The following GALNT17 variants were observed in gnomAD, a reference collection of about 807,000 sequenced individuals.
GALNT17 encodes the protein polypeptide N-acetylgalactosaminyltransferase 17.
A neutral mutation model predicts 63.7 loss-of-function variants in GALNT17; 29 were observed. The ratio of observed to expected loss-of-function variants is 0.46; its 90% CI spans 0.34 to 0.62. The LOEUF (loss-of-function observed/expected upper bound fraction) is 0.62, where lower values mean the gene tolerates loss of function less well. GALNT17 is among the 20% of genes least tolerant of loss of function. GALNT17 has a pLI of 0.01. For synonymous variants in GALNT17, 305 were observed against 318.3 expected (o/e 0.96, Z 0.45); for missense variants, 603 against 799.6 (o/e 0.75, Z 2.97).
At chr7:71,355,521 A>G (rs972788320) in intron 2 of GALNT17, among the ~76,000 whole-genome samples, 23 of 151,806 alleles carry the variant, frequency 1.5e-4, no homozygotes, top group Non-Finnish European at 4.4e-5. Flanking sequence ...ATTTTATTGC[A>G]TAGTGATCAG....
intron 5 of GALNT17, among the ~76,000 whole-genome samples, chr7:71,553,901 A>G (rs2116837808): frequency 6.6e-6 from 1 of 152,294 alleles, no homozygotes; most frequent in African/African-American, 2.4e-5. Context: ...TTCCTCTTAA[A>G]TAGTGCCTGG....
At chr7:71,601,421 AG>A (rs938338845) in intron 6 of GALNT17, among the ~76,000 whole-genome samples, 1 of 152,050 alleles carries the variant, frequency 6.6e-6, no homozygotes, top group Non-Finnish European at 1.5e-5. Flanking sequence ...ATAATGGATT[AG>A]TAGAGAGCAG....
At chr7:71,396,632 A>T (rs981233815) in intron 3 of GALNT17, among the ~76,000 whole-genome samples, 1 of 152,162 alleles carries the variant, frequency 6.6e-6, no homozygotes, top group African/African-American at 2.4e-5. Context: ...TTTCAAGACC[A>T]GCTTGAACAT....
In GALNT17 at chr7:71,336,170, C is replaced by T. The variant is rs572607665; in HGVS notation, c.422+437C>T. Among the ~76,000 whole-genome samples the T allele has an allele frequency of 5.3e-5, 8 of 151,730 alleles. No homozygotes were observed. In the South Asian group the frequency reaches 1.3e-3, roughly 24 times the overall value. On this transcript the variant is annotated intron_variant, in intron 2 of 10. Coordinates refer to ENST00000333538, the MANE Select transcript of GALNT17 (RefSeq NM_022479.3). ...AGGTGATTCTCCTGCCTCAGCCTCC[C>T]GAGTAGCTGGGATTGCAGGCATGCA...
At chr7:71,514,763 T>C (rs190895008) in intron 5 of GALNT17, among the ~76,000 whole-genome samples, 1 of 152,344 alleles carries the variant, frequency 6.6e-6, no homozygotes, top group Admixed American at 6.5e-5. Flanking sequence ...ACTGTCTTGC[T>C]TTGATCAGTT....
At chr7:71,645,846 A>T (rs1790668294) in intron 6 of GALNT17, among the ~76,000 whole-genome samples, 1 of 152,194 alleles carries the variant, frequency 6.6e-6, no homozygotes, top group South Asian at 2.1e-4. Context: ...ATTGGCAAAT[A>T]TCAAGCCTGC....
chr7:71,635,022 C>T (rs1177508336), intron 6 of GALNT17, among the ~76,000 whole-genome samples: 1 of 151,938 alleles, frequency 6.6e-6, no homozygotes, highest in Non-Finnish European at 1.5e-5. Flanking sequence ...GCCTGGCCAA[C>T]ACAGTGAAAC....
At chr7:71,671,774 C>G (rs1388435850) in intron 8 of GALNT17, among the ~76,000 whole-genome samples, 4 of 152,144 alleles carry the variant, frequency 2.6e-5, no homozygotes, top group African/African-American at 9.7e-5. Context: ...GCCTGTAATC[C>G]CAGCACTTTG....
At chr7:71,317,593 G>T (rs1367802062) in intron 1 of GALNT17, among the ~76,000 whole-genome samples, 2 of 152,170 alleles carry the variant, frequency 1.3e-5, no homozygotes, top group Non-Finnish European at 2.9e-5. Context: ...ATGGCTGAGT[G>T]TGGACCTCTG....
intron 1 of GALNT17, among the ~76,000 whole-genome samples, chr7:71,155,543 G>C (rs1762683310): frequency 1.3e-5 from 2 of 151,764 alleles, no homozygotes; most frequent in African/African-American, 2.4e-5. Flanking sequence ...CAAAGTGCTG[G>C]ATTACAGGTG....
At chr7:71,699,274 T>C (rs1288557068) in intron 9 of GALNT17, among the ~76,000 whole-genome samples, 4 of 148,856 alleles carry the variant, frequency 2.7e-5, no homozygotes, top group Non-Finnish European at 4.4e-5. Flanking sequence ...GGTCAAGATA[T>C]CGATACCATT....
chr7:71,230,744 A>C (rs1789772915), intron 1 of GALNT17, among the ~76,000 whole-genome samples: 1 of 152,216 alleles, frequency 6.6e-6, no homozygotes, highest in East Asian at 1.9e-4. Flanking sequence ...ATCCAGACCC[A>C]TCCCTGGGTG....
rs185728208 is a variant in GALNT17, at chr7:71,337,854, C to G, written c.422+2121C>G. Among the ~76,000 whole-genome samples, 337 of 151,754 alleles carry G rather than the reference C, an allele frequency of 2.2e-3. 3 individuals are homozygous for G. Among genetic ancestry groups the G allele is most frequent in the African/African-American group, 7.9e-3 (326 of 41,344 alleles). ...TTGCACTCCAGCCTGGGTGACAGAG[C>G]GAAACTCCATCTCAGAACAAACAAA... On this transcript the variant is annotated intron_variant, in intron 2 of 10. Coordinates refer to ENST00000333538, the MANE Select transcript of GALNT17 (RefSeq NM_022479.3).
chr7:71,385,119 T>A (rs1028150125), intron 2 of GALNT17, among the ~76,000 whole-genome samples: 1 of 152,078 alleles, frequency 6.6e-6, no homozygotes, highest in African/African-American at 2.4e-5. Context: ...ATCACTGCAC[T>A]TGGGAGCTAG....
chr7:71,698,593 G>T (rs759082174), intron 9 of GALNT17, among the ~76,000 whole-genome samples: 18 of 151,756 alleles, frequency 1.2e-4, no homozygotes, highest in Non-Finnish European at 2.5e-4. Context: ...TAATAGAAAT[G>T]GAGTGTGATT....
At chr7:71,544,491 G>C (rs1271017834) in intron 5 of GALNT17, among the ~76,000 whole-genome samples, 3 of 152,022 alleles carry the variant, frequency 2.0e-5, no homozygotes, top group Non-Finnish European at 4.4e-5. Flanking sequence ...CAATAATAGG[G>C]GTTAGTTCTG....
intron 1 of GALNT17, among the ~76,000 whole-genome samples, chr7:71,175,237 C>T (rs893856400): frequency 1.3e-5 from 2 of 152,078 alleles, no homozygotes; most frequent in African/African-American, 4.8e-5. Flanking sequence ...TGTCTGTCCA[C>T]ACTTCCATCC....
chr7:71,618,927 G>T (rs900159033), intron 6 of GALNT17, among the ~76,000 whole-genome samples: 1 of 152,098 alleles, frequency 6.6e-6, no homozygotes, highest in Non-Finnish European at 1.5e-5. Flanking sequence ...TGTCTTCCAT[G>T]ATTTTTATTG....
chr7:71,450,209 C>G (rs927009542), intron 5 of GALNT17, among the ~76,000 whole-genome samples: 1 of 150,096 alleles, frequency 6.7e-6, no homozygotes, highest in Non-Finnish European at 1.5e-5. Flanking sequence ...GATCTCGGCT[C>G]ACCGCAAACT....
Sources: allele counts gnomAD v4.1 joint callset (sites outside exome capture counted in the v4.1 genomes callset), GRCh38; gene constraint gnomAD v4.1.1; transcripts MANE v1.5; gene names NCBI Gene and HGNC (gene_info 2026-07-23, HGNC 2026-07-21).